Variants in RCOR1 observed in about 807,000 individuals in gnomAD.
The protein encoded by RCOR1 is REST corepressor.
RCOR1 carries 12 observed loss-of-function variants against 64.0 expected under a neutral mutation model. The observed-to-expected ratio is 0.19, with a 90% CI of 0.12 to 0.30. The LOEUF (loss-of-function observed/expected upper bound fraction) is 0.30. Among genes scored for constraint, RCOR1 ranks in the 10% least tolerant of loss-of-function variants. RCOR1 has a pLI of 1.00. For synonymous variants in RCOR1, 279 were observed against 227.2 expected (o/e 1.23, Z -2.05); for missense variants, 502 against 621.2 (o/e 0.81, Z 2.04).
At chr14:102,661,083 A>G (rs1894815825) in intron 2 of RCOR1, among the ~76,000 whole-genome samples, 1 of 152,228 alleles carries the variant, frequency 6.6e-6, no homozygotes, top group South Asian at 2.1e-4. Flanking sequence ...GCCATGGCTC[A>G]TGCTTGTAAT....
At chr14:102,687,077 T>C (rs1165916126) in intron 3 of RCOR1, among the ~76,000 whole-genome samples, 1 of 152,248 alleles carries the variant, frequency 6.6e-6, no homozygotes, top group Admixed American at 6.5e-5. Flanking sequence ...ATTCAGATTA[T>C]ACGGAATTCG....
chr14:102,676,363 G>A, intron 2 of RCOR1, among the ~76,000 whole-genome samples: 1 of 142,998 alleles, frequency 7.0e-6, no homozygotes, highest in African/African-American at 2.7e-5. Context: ...CACCCTCCCG[G>A]ACGGGGCGGC....
At chr14:102,620,253 C>CACA (rs201786851) in intron 2 of RCOR1, among the ~76,000 whole-genome samples, 31 of 151,126 alleles carry the variant, frequency 2.1e-4, no homozygotes, top group African/African-American at 5.1e-4. Context: ...ACACACACAC[C>CACA]CCCCCACACC....
intron 2 of RCOR1, among the ~76,000 whole-genome samples, chr14:102,638,201 A>C (rs1363303668): frequency 6.6e-6 from 1 of 152,224 alleles, no homozygotes; most frequent in Non-Finnish European, 1.5e-5. Flanking sequence ...ACTCAGGTGC[A>C]GAAGTTCTTG....
intron 3 of RCOR1, 126 bp downstream of exon 3, chr14:102,682,104 A>C: frequency 1.7e-6 from 1 of 575,122 alleles, no homozygotes; most frequent in Admixed American, 3.3e-5. Context: ...TAATTTAAAG[A>C]GTTTTAAAGT....
chr14:102,676,327 G>A, intron 2 of RCOR1, among the ~76,000 whole-genome samples: 1 of 144,362 alleles, frequency 6.9e-6, no homozygotes, highest in Non-Finnish European at 1.5e-5. Flanking sequence ...GGGGCGGCTG[G>A]CCGGGCGGGG....
intron 3 of RCOR1, among the ~76,000 whole-genome samples, chr14:102,696,846 GAACACATTTTA>G (rs1259552542): frequency 7.0e-5 from 10 of 142,800 alleles, no homozygotes; most frequent in Non-Finnish European, 1.5e-4. Flanking sequence ...GGGTAGCTGG[GAACACATTTTA>G]TTTTCTTGGG....
At chr14:102,600,247 C>T (rs1285000258) in intron 2 of RCOR1, among the ~76,000 whole-genome samples, 3 of 151,448 alleles carry the variant, frequency 2.0e-5, no homozygotes, top group Non-Finnish European at 2.9e-5. Flanking sequence ...ACCACCACGC[C>T]CGGCTAATTT....
chr14:102,681,869 G>A, intron 2 of RCOR1, 26 bp from the exon 3 acceptor site: 1 of 1,551,520 alleles, frequency 6.4e-7, no homozygotes, highest in Non-Finnish European at 8.9e-7. Context: ...ATTTTAATAA[G>A]AATTTTCTTT....
chr14:102,659,183 A>C, intron 2 of RCOR1: 1 of 984,612 alleles, frequency 1.0e-6, no homozygotes, highest in Non-Finnish European at 1.2e-6. Context: ...CTTTAGATAA[A>C]ATCTCCATAA....
At chr14:102,702,128 C>G (rs1474152112) in intron 4 of RCOR1, among the ~76,000 whole-genome samples, 1 of 152,142 alleles carries the variant, frequency 6.6e-6, no homozygotes, top group Non-Finnish European at 1.5e-5. Context: ...GATCTTACAA[C>G]CTGGAAGTTA....
At chr14:102,707,797 CT>C (rs1300065853) in intron 5 of RCOR1, among the ~76,000 whole-genome samples, 161 of 130,496 alleles carry the variant, frequency 1.2e-3, no homozygotes, top group Admixed American at 1.4e-3. Context: ...ATACGAAGGA[CT>C]TTTTTTTTTT....
At chr14:102,683,716 C>T (rs1021964789) in intron 3 of RCOR1, among the ~76,000 whole-genome samples, 16 of 152,236 alleles carry the variant, frequency 1.1e-4, no homozygotes, top group African/African-American at 2.2e-4. Context: ...GCAGCCAGTG[C>T]GCTCGGCCAC....
At chr14:102,605,578 A>G (rs1392306272) in intron 2 of RCOR1, among the ~76,000 whole-genome samples, 1 of 152,202 alleles carries the variant, frequency 6.6e-6, no homozygotes, top group Admixed American at 6.5e-5. Context: ...AACCTACTGC[A>G]CTGCCAGTCT....
chr14:102,607,688 C>T (rs1893541360), intron 2 of RCOR1, among the ~76,000 whole-genome samples: 1 of 152,170 alleles, frequency 6.6e-6, no homozygotes, highest in Non-Finnish European at 1.5e-5. Flanking sequence ...TTGAGACCAG[C>T]CTGGCCAACA....
intron 4 of RCOR1, among the ~76,000 whole-genome samples, chr14:102,702,816 A>T (rs897756928): frequency 4.1e-4 from 63 of 152,250 alleles, no homozygotes; most frequent in African/African-American, 1.4e-3. Flanking sequence ...CAGAAAAATC[A>T]CAGAGCATAC....
chr14:102,598,572 C>T (rs185511868), intron 2 of RCOR1, among the ~76,000 whole-genome samples: 2,458 of 87,482 alleles, frequency 0.028, 56 homozygotes, highest in African/African-American at 0.073. Context: ...CTCAGCCTCC[C>T]GAGTAGCTGG....
At chr14:102,707,186 T>TA (rs977498137) in intron 4 of RCOR1, among the ~76,000 whole-genome samples, 165 bp from the exon 5 acceptor site, 9 of 152,200 alleles carry the variant, frequency 5.9e-5, no homozygotes, top group African/African-American at 2.2e-4. Flanking sequence ...TTACCACAGT[T>TA]ACAAAGAATA....
intron 2 of RCOR1, among the ~76,000 whole-genome samples, chr14:102,627,282 A>C (rs1488745969): frequency 6.6e-6 from 1 of 152,168 alleles, no homozygotes; most frequent in Admixed American, 6.6e-5. Context: ...CCAGTAGTTC[A>C]TCCTTTATTT....
Sources: gnomAD v4.1 joint callset for allele counts (sites outside exome capture counted in the v4.1 genomes callset) on GRCh38, gnomAD v4.1.1 for gene constraint, MANE v1.5 for transcripts, NCBI Gene and HGNC (gene_info 2026-07-23, HGNC 2026-07-21) for gene names.